Variants in DMD observed in about 807,000 individuals in gnomAD.
The protein encoded by DMD is mutant dystrophin.
A neutral mutation model predicts 330.1 loss-of-function variants in DMD; 63 were observed. That is an observed-to-expected ratio of 0.19 (90% CI 0.16 to 0.24). DMD has a LOEUF of 0.24. Ranked by LOEUF, DMD falls within the 10% of genes least tolerant of loss-of-function variation. The pLI is 1.00. For synonymous variants in DMD, 1,223 were observed against 959.8 expected, an observed-to-expected ratio of 1.27 and a Z score of -5.07; for missense variants, 3,344 against 2,684.1, an observed-to-expected ratio of 1.25 and a Z score of -5.43.
chrX:31,437,142 T>G (rs2064589533), intron 60 of DMD, among the ~76,000 whole-genome samples: 1 of 111,842 alleles, frequency 8.9e-6, no homozygotes, highest in Admixed American at 9.5e-5. Context: ...ACTGGAGAAT[T>G]GCCACATAAT....
At chrX:31,798,150 A>G (rs1226254148) in intron 50 of DMD, among the ~76,000 whole-genome samples, 1 of 112,395 alleles carries the variant, frequency 8.9e-6, no homozygotes, top group African/African-American at 3.2e-5. Context: ...TAAAATTTCT[A>G]TGGTACTTTT....
intron 30 of DMD, among the ~76,000 whole-genome samples, chrX:32,394,921 A>AAAAAAAAAAAAAAAAAAAC (rs1557326840): frequency 1.6e-5 from 1 of 63,725 alleles, no homozygotes; most frequent in Non-Finnish European, 3.0e-5. Flanking sequence ...AAAAACAAAA[A>AAAAAAAAAAAAAAAAAAAC]AAAAAAAAAA....
At chrX:33,043,575 A>G (rs901031186) in intron 1 of DMD, among the ~76,000 whole-genome samples, 2 of 111,426 alleles carry the variant, frequency 1.8e-5, no homozygotes, top group African/African-American at 6.5e-5. Context: ...GCATACACGC[A>G]TGCACAAGCA....
intron 1 of DMD, among the ~76,000 whole-genome samples, chrX:33,223,779 A>G (rs956390954): frequency 2.7e-5 from 3 of 112,293 alleles, no homozygotes; most frequent in African/African-American, 9.7e-5. Context: ...ACATTGTCAA[A>G]AGAATGTAAA....
chrX:32,913,016 GTT>G (rs374067129), intron 2 of DMD, among the ~76,000 whole-genome samples: 2 of 112,139 alleles, frequency 1.8e-5, no homozygotes, highest in South Asian at 7.4e-4. Context: ...TTTTGTTTTT[GTT>G]TTTGTTTTTT....
intron 1 of DMD, among the ~76,000 whole-genome samples, chrX:33,107,311 C>A (rs1165202446): frequency 2.2e-3 from 6 of 2,707 alleles, no homozygotes; most frequent in Non-Finnish European, 4.7e-3. Flanking sequence ...AAGCTCTGTC[C>A]CCCCCCCCCC....
chrX:32,678,954 A>T (rs1000173370), intron 9 of DMD, among the ~76,000 whole-genome samples: 2 of 112,341 alleles, frequency 1.8e-5, no homozygotes, highest in Non-Finnish European at 3.8e-5. Flanking sequence ...GAAAGAAAAA[A>T]CAACTATTAT....
At position 32,490,664 on chromosome X, in the gene DMD, T is replaced by C. The variant is rs549653484; in HGVS notation, c.2622+613A>G. ...TACCATGAGGATCTGACTGTCTCCT[T>C]CTGAGTTTCTATAACTGCTCTCTCA... On this transcript the variant is annotated intron_variant, in intron 20 of 78. Transcript: ENST00000357033. Among the ~76,000 whole-genome samples, 8 of 111,615 alleles carry C rather than the reference T, an allele frequency of 7.2e-5. No individual in the cohort carries two copies. In the South Asian group the frequency reaches 2.2e-3, roughly 31 times the overall value.
At chrX:33,155,319 C>CTT (rs765047079) in intron 1 of DMD, among the ~76,000 whole-genome samples, 4 of 97,881 alleles carry the variant, frequency 4.1e-5, no homozygotes, top group Admixed American at 2.3e-4. Context: ...GAGCCTTTCT[C>CTT]TTTTTTTTTT....
chrX:31,383,700 G>T (rs2060300128), intron 60 of DMD, among the ~76,000 whole-genome samples: 1 of 112,007 alleles, frequency 8.9e-6, no homozygotes, highest in Non-Finnish European at 1.9e-5. Context: ...CAGAGGAGAA[G>T]CAGCTGGATG....
chrX:32,566,540 T>A (rs1263414331), intron 15 of DMD, among the ~76,000 whole-genome samples: 1 of 112,508 alleles, frequency 8.9e-6, no homozygotes. Flanking sequence ...GTAGAGCCCA[T>A]TAAGTAAAAG....
intron 56 of DMD, among the ~76,000 whole-genome samples, chrX:31,504,368 A>G (rs1334277626): frequency 8.9e-6 from 1 of 112,075 alleles, no homozygotes; most frequent in African/African-American, 3.2e-5. Context: ...TTTAAATTCA[A>G]TTTTGTTTCT....
chrX:31,946,603 G>A (rs1183295460), intron 45 of DMD, among the ~76,000 whole-genome samples: 1 of 111,500 alleles, frequency 9.0e-6, no homozygotes, highest in Non-Finnish European at 1.9e-5. Context: ...CTAAGCATCC[G>A]TTTTAAAATA....
At chrX:32,847,919 A>T (rs186517402) in intron 3 of DMD, among the ~76,000 whole-genome samples, 130 of 112,520 alleles carry the variant, frequency 1.2e-3, no homozygotes, top group Non-Finnish European at 1.3e-3. Context: ...TCAAATGGGT[A>T]GTGTGCCAAC....
intron 62 of DMD, among the ~76,000 whole-genome samples, chrX:31,295,642 T>C (rs781091709): frequency 5.4e-5 from 6 of 111,814 alleles, no homozygotes; most frequent in African/African-American, 1.6e-4. Context: ...CTCGAACTCC[T>C]GACATCAAGT....
chrX:33,004,768 G>A (rs1014944880), intron 2 of DMD, among the ~76,000 whole-genome samples: 2 of 109,972 alleles, frequency 1.8e-5, no homozygotes, highest in Admixed American at 9.7e-5. Context: ...GGAACAAGGA[G>A]CATCTTTCTC....
At chrX:32,744,907 G>T (rs2855702) in intron 7 of DMD, among the ~76,000 whole-genome samples, 12 of 111,784 alleles carry the variant, frequency 1.1e-4, no homozygotes, top group Non-Finnish European at 1.5e-4. Flanking sequence ...GATGCGGGGT[G>T]GGAGAGTTCT....
intron 43 of DMD, among the ~76,000 whole-genome samples, chrX:32,232,862 G>T (rs1016939654): frequency 9.0e-6 from 1 of 111,620 alleles, no homozygotes; most frequent in Non-Finnish European, 1.9e-5. Flanking sequence ...AAATATAGCT[G>T]CCGTAGAAAG....
chrX:33,157,307 GA>G (rs1305386543), intron 1 of DMD, among the ~76,000 whole-genome samples: 1 of 111,207 alleles, frequency 9.0e-6, no homozygotes, highest in African/African-American at 3.3e-5. Flanking sequence ...CGTCACTCGG[GA>G]TAGCCTCTGT....
Sources: gnomAD v4.1 joint callset for allele counts (sites outside exome capture counted in the v4.1 genomes callset) on GRCh38, gnomAD v4.1.1 for gene constraint, MANE v1.5 for transcripts, NCBI Gene and HGNC (gene_info 2026-07-23, HGNC 2026-07-21) for gene names.